The following FKTN variants were observed in gnomAD, a reference collection of about 807,000 sequenced individuals.
FKTN encodes the protein ribitol-5-phosphate transferase FKTN.
In FKTN, 47 loss-of-function variants were observed where a neutral mutation model predicts 58.6. The observed-to-expected ratio is 0.80, with a 90% confidence interval of 0.63 to 1.02. FKTN has a LOEUF of 1.02. Ranked by LOEUF, FKTN falls within the 50% of genes least tolerant of loss-of-function variation. The pLI, the probability that FKTN is intolerant of heterozygous loss-of-function variation, is 0.00. For synonymous variants in FKTN, 178 were observed against 191.9 expected, an observed-to-expected ratio of 0.93 and a Z score of 0.60; for missense variants, 516 against 537.3, an observed-to-expected ratio of 0.96 and a Z score of 0.39.
chr9:105,637,570 C>T lies in FKTN; in HGVS notation c.*2306C>T, dbSNP rs912424688. On this transcript the variant is annotated 3_prime_UTR_variant, in exon 11 of 11. Coordinates refer to ENST00000357998, the MANE Select transcript of FKTN (RefSeq NM_001079802.2). Reference sequence around the variant, plus strand: ...TGGGTTCTGTGGAGTGTCCAGAGACCTTGGGTTAGGTATATCCATCTTCAG... The same window carrying T: ...TGGGTTCTGTGGAGTGTCCAGAGACTTTGGGTTAGGTATATCCATCTTCAG... The T allele has an allele frequency of 8.1e-6, 8 of 985,246 alleles. No homozygotes were observed. Among genetic ancestry groups the T allele is most frequent in the Non-Finnish European group, 9.6e-6 (8 of 829,928 alleles). 61.0% of individuals were successfully genotyped at this position (985,246 alleles called of 1,614,324 possible).
At chr9:105,588,727 A>G (rs1302971453) in intron 3 of FKTN, among the ~76,000 whole-genome samples, 1 of 152,212 alleles carries the variant, frequency 6.6e-6, no homozygotes, top group Non-Finnish European at 1.5e-5. Context: ...TATTCTCTGC[A>G]TAGTATACCT....
chr9:105,569,056 G>T lies in FKTN; in HGVS notation c.-180-4599G>T, dbSNP rs537956387. Among the ~76,000 whole-genome samples the T allele has an allele frequency of 7.8e-4, 119 of 152,186 alleles. 1 individual carries two copies. The highest frequency in any genetic ancestry group is 2.8e-3 in the African/African-American group (118 of 41,526). ...TCTCAAGGACAGAAAACCAAACATC[G>T]CATGTTCTCACTCATAGGTGGGAAC... On this transcript the variant is annotated intron_variant, in intron 1 of 10. Transcript: ENST00000357998.
In FKTN at chr9:105,640,552, C is replaced by G. The variant is rs1419084727; in HGVS notation, c.*5288C>G. On this transcript the variant is annotated 3_prime_UTR_variant, in exon 11 of 11. Coordinates refer to ENST00000357998, the MANE Select transcript of FKTN (RefSeq NM_001079802.2). The stretch of plus-strand genomic sequence containing the variant: ...TGGGCGATAGAGCAAGACTCTGTCT[C>G]AGAAAAAAAAAAAAAGGAAAGAAAG... The G allele has an allele frequency of 6.8e-6, 1 of 147,936 alleles. No individual in the cohort carries two copies. The highest frequency in any genetic ancestry group is 2.0e-4 in the East Asian group (1 of 5,106). The allele number at this position is 147,936 out of a possible 1,614,324, so 9.2% of individuals were successfully genotyped here.
rs751137043 is a variant in FKTN, at chr9:105,602,713, G to C, written c.369+1365G>C. 8.0e-4 allele frequency among the ~76,000 whole-genome samples: 121 copies of C among 152,164 alleles called. 1 individual carries two copies. The highest frequency in any genetic ancestry group is 4.3e-4 in the Non-Finnish European group (29 of 68,008). ...TGGGATTACAGGCGTGTGCCACCAC[G>C]TGTGACTGATTTTTGTATTTTTTTT... On this transcript the variant is annotated intron_variant, in intron 5 of 10. Transcript: ENST00000357998.
rs1465324037 is a variant in FKTN at position 105,638,717 on chromosome 9, G to A, written c.*3453G>A. On this transcript the variant is annotated 3_prime_UTR_variant, in exon 11 of 11. Coordinates refer to ENST00000357998, the MANE Select transcript of FKTN (RefSeq NM_001079802.2). ...TTTTTATCTGCTTGGCTGGAAAGGA[G>A]ACTAGAGTATCTAGTTTTTAGTATT... The A allele has an allele frequency of 1.0e-6, 1 of 979,968 alleles. No individual in the cohort carries two copies. The highest frequency in any genetic ancestry group is 1.2e-6 in the Non-Finnish European group (1 of 825,148). 60.7% of individuals were successfully genotyped at this position (979,968 alleles called of 1,614,324 possible).
chr9:105,621,958 G>T (rs1832043117), intron 10 of FKTN, among the ~76,000 whole-genome samples: 2 of 152,010 alleles, frequency 1.3e-5, no homozygotes, highest in Admixed American at 6.6e-5. Context: ...TGGGGCTAAA[G>T]GGAATATAAG....
At chr9:105,597,472 A>G (rs577703186) in intron 4 of FKTN, among the ~76,000 whole-genome samples, 24 of 152,174 alleles carry the variant, frequency 1.6e-4, no homozygotes, top group Non-Finnish European at 3.5e-4. Flanking sequence ...CTTTTAATTT[A>G]TTAAAAATAG....
intron 1 of FKTN, among the ~76,000 whole-genome samples, chr9:105,570,339 T>C (rs970975279): frequency 6.6e-6 from 1 of 152,192 alleles, no homozygotes; most frequent in African/African-American, 2.4e-5. Context: ...CTAACAGTTA[T>C]AATGCAAAAT....
chr9:105,605,114 CTAT>C (rs1047162288), intron 6 of FKTN, among the ~76,000 whole-genome samples: 5 of 151,810 alleles, frequency 3.3e-5, no homozygotes, highest in Non-Finnish European at 5.9e-5. Context: ...AATCTAAATT[CTAT>C]TATTATTATT....
intron 1 of FKTN, among the ~76,000 whole-genome samples, chr9:105,573,143 G>T (rs1841055554): frequency 6.6e-6 from 1 of 152,012 alleles, no homozygotes; most frequent in Admixed American, 6.5e-5. Flanking sequence ...GCTGAGATAG[G>T]AGAATTGCTT....
chr9:105,590,576 G>A (rs1844686875), intron 3 of FKTN, among the ~76,000 whole-genome samples: 1 of 152,202 alleles, frequency 6.6e-6, no homozygotes. Context: ...TGATGGATTC[G>A]ATGTAGGGTA....
At chr9:105,589,281 T>C (rs1844435065) in intron 3 of FKTN, among the ~76,000 whole-genome samples, 1 of 152,144 alleles carries the variant, frequency 6.6e-6, no homozygotes, top group Non-Finnish European at 1.5e-5. Context: ...GTGGATCACC[T>C]GAGGTCAGGA....
rs34674142 is a variant in FKTN at position 105,573,238 on chromosome 9, CA to C, written c.-180-406del. Among the ~76,000 whole-genome samples the C allele has an allele frequency of 4.5e-3, 670 of 148,062 alleles. 4 individuals carry two copies. Among genetic ancestry groups the C allele is most frequent in the African/African-American group, 0.016 (633 of 40,452 alleles). ...TGAGTGACAGAGGGAGACTCTGTCTCAAAAAAAAAAATGCTTAATTGTAGTT... is the reference window on the plus strand; with the variant it reads ...TGAGTGACAGAGGGAGACTCTGTCTCAAAAAAAAAATGCTTAATTGTAGTT... On this transcript the variant is annotated intron_variant, in intron 1 of 10. Transcript: ENST00000357998.
intron 1 of FKTN, among the ~76,000 whole-genome samples, chr9:105,567,603 T>A (rs967976573): frequency 2.0e-5 from 3 of 152,088 alleles, no homozygotes; most frequent in African/African-American, 7.2e-5. Flanking sequence ...AGGACCTCTT[T>A]AAGGAGAAGT....
Position 105,604,136 on chromosome 9 carries a change from GT to G in FKTN, c.370-75del. 4 of 1,424,342 alleles carry G rather than the reference GT, an allele frequency of 2.8e-6. No homozygotes were observed. The South Asian group carries it at 3.5e-5, about 12-fold the overall frequency. 88.2% of individuals were successfully genotyped at this position (1,424,342 alleles called of 1,614,324 possible). On this transcript the variant is annotated intron_variant, in intron 5 of 10. Coordinates refer to ENST00000357998, the MANE Select transcript of FKTN (RefSeq NM_001079802.2). ...CAAGTTCAATATAAGAATCACTTTA[GT>G]TTTGCTACTAGTATTTGGCTTTAAA...
intron 3 of FKTN, among the ~76,000 whole-genome samples, chr9:105,595,510 T>C (rs537070542): frequency 2.0e-5 from 3 of 152,266 alleles, no homozygotes; most frequent in African/African-American, 7.2e-5. Context: ...ATTACAGTTG[T>C]TTTTTTCTCA....
chr9:105,630,487 A>G (rs1484402650), intron 10 of FKTN, among the ~76,000 whole-genome samples: 2 of 152,196 alleles, frequency 1.3e-5, no homozygotes, highest in Admixed American at 6.5e-5. Flanking sequence ...AGTTTGCTGC[A>G]AAGTTTCACT....
chr9:105,563,366 G>A (rs569065837), intron 1 of FKTN, among the ~76,000 whole-genome samples: 9 of 150,284 alleles, frequency 6.0e-5, no homozygotes, highest in Admixed American at 2.7e-4. Context: ...CACCTCACCC[G>A]GGAAGTGCAA....
chr9:105,567,466 C>T, intron 1 of FKTN, among the ~76,000 whole-genome samples: 1 of 152,190 alleles, frequency 6.6e-6, no homozygotes. Context: ...GATACAAAAT[C>T]AATGTGCAAA....
Sources: gnomAD v4.1 joint callset for allele counts (sites outside exome capture counted in the v4.1 genomes callset) on GRCh38, gnomAD v4.1.1 for gene constraint, MANE v1.5 for transcripts, NCBI Gene and HGNC (gene_info 2026-07-23, HGNC 2026-07-21) for gene names.